Variants in RASD1 observed in about 807,000 individuals in gnomAD.
RASD1 encodes the protein ras related dexamethasone induced 1.
A neutral mutation model predicts 16.7 loss-of-function variants in RASD1; 13 were observed. The observed-to-expected ratio is 0.78, with a 90% CI of 0.51 to 1.24. RASD1 has a LOEUF of 1.24. Among genes scored for constraint, RASD1 ranks in the 50% most tolerant of loss-of-function variants. RASD1 has a pLI of 0.00. For synonymous variants in RASD1, 170 were observed against 172.6 expected, an observed-to-expected ratio of 0.98 and a Z score of 0.12; for missense variants, 397 against 407.5, an observed-to-expected ratio of 0.97 and a Z score of 0.22.
Position 17,496,122 on chromosome 17 carries a change from C to T in RASD1, c.60G>A (p.Pro20=), listed in dbSNP as rs759402964. The change falls in exon 1 of 2, where the codon CCG becomes CCA. Residue 20 remains proline, a synonymous_variant. Coordinates refer to ENST00000225688, the MANE Select transcript of RASD1 (RefSeq NM_016084.5). ...TGACCATGCGATAGCAGTTCTTGGC[C>T]GGGATACTCAGCTCCGAGTCGCTCG... ...MCPSDSELSI[P]AKNCYRMVIL... is the part of the protein sequence containing the mutation. 6 of 1,613,832 alleles carry T rather than the reference C, an allele frequency of 3.7e-6. No individual in the cohort carries two copies. The Admixed American group carries it at 1.0e-4, about 27-fold the overall frequency.
In RASD1 at chr17:17,496,290, C is replaced by G; in HGVS notation, c.-109G>C. The G allele has an allele frequency of 1.6e-6, 2 of 1,245,910 alleles. No homozygotes were observed. The highest frequency in any genetic ancestry group is 2.2e-6 in the Non-Finnish European group (2 of 926,772). The allele number at this position is 1,245,910 out of a possible 1,614,324, so 77.2% of individuals were successfully genotyped here. A position where few individuals can be genotyped will look rare whatever the true frequency, so the allele number is the denominator to read the frequency against. ...GAGCGGCTGGAGGGCTCTGCTCGGG[C>G]TGGGCGCGGCTCGGGCTTGGGGCTC... On this transcript the variant is annotated 5_prime_UTR_variant, in exon 1 of 2. Coordinates refer to ENST00000225688, the MANE Select transcript of RASD1 (RefSeq NM_016084.5).
In RASD1 at chr17:17,494,773, C is replaced by T; in HGVS notation, c.*352G>A. 3.0e-6 allele frequency: 1 copy of T among 330,836 alleles called. No homozygotes were observed. The highest frequency in any genetic ancestry group is 5.5e-6 in the Non-Finnish European group (1 of 180,274). The allele number at this position is 330,836 out of a possible 1,614,324, so 20.5% of individuals were successfully genotyped here. On this transcript the variant is annotated 3_prime_UTR_variant, in exon 2 of 2. Transcript: ENST00000225688. ...AGCGGGCATGACGGTTTCTTGAAGCCTAGCAGAGGCTGGATAACTTCACAT... is the reference window on the plus strand; with the variant it reads ...AGCGGGCATGACGGTTTCTTGAAGCTTAGCAGAGGCTGGATAACTTCACAT...
In RASD1 at chr17:17,495,482, C is replaced by T; in HGVS notation, c.489G>A (p.Leu163=). The T allele has an allele frequency of 6.2e-7, 1 of 1,610,532 alleles. No homozygotes were observed. The highest frequency in any genetic ancestry group is 1.1e-5 in the South Asian group (1 of 90,544). The change falls in exon 2 of 2, where the codon CTG becomes CTA. Residue 163 remains leucine (L), a synonymous_variant. Transcript: ENST00000225688. Reference sequence around the variant, plus strand: ...CGCAGCGCTGGGGGTCGTCGCCCACCAGCTGCTCGATCTCGCGCTGGTCCA... The same window carrying T: ...CGCAGCGCTGGGGGTCGTCGCCCACTAGCTGCTCGATCTCGCGCTGGTCCA... The part of the protein sequence containing the change: ...REVDQREIEQ[L]VGDDPQRCAY...
In RASD1 at chr17:17,496,356, C is replaced by G. The variant is rs1301876792; in HGVS notation, c.-175G>C. ...TGGGCTCGGGCTAGGCTGGGCTCGG[C>G]TGGGGTTCTCCCAGGATCTGGGCAC... On this transcript the variant is annotated 5_prime_UTR_variant, in exon 1 of 2. Transcript: ENST00000225688. 1.5e-6 allele frequency: 1 copy of G among 671,690 alleles called. No homozygotes were observed. Among genetic ancestry groups the G allele is most frequent in the Non-Finnish European group, 2.3e-6 (1 of 428,008 alleles). 41.6% of individuals were successfully genotyped at this position (671,690 alleles called of 1,614,324 possible).
Position 17,494,974 on chromosome 17 carries a change from G to A in RASD1, c.*151C>T, listed in dbSNP as rs1189570173. On this transcript the variant is annotated 3_prime_UTR_variant, in exon 2 of 2. Transcript: ENST00000225688. ...CCGGAGCAGATGACCGTCCCTTCTCGGTTCAGTGGCGCCTCCCCAGTGCTG... is the reference window on the plus strand; with the variant it reads ...CCGGAGCAGATGACCGTCCCTTCTCAGTTCAGTGGCGCCTCCCCAGTGCTG... 30 of 953,168 alleles carry A rather than the reference G, an allele frequency of 3.1e-5. No individual in the cohort carries two copies. The highest frequency in any genetic ancestry group is 1.4e-4 in the South Asian group (8 of 58,878). 59.0% of individuals were successfully genotyped at this position (953,168 alleles called of 1,614,324 possible).
In RASD1 at chr17:17,495,575, G is replaced by A. The variant is rs1905401263; in HGVS notation, c.396C>T (p.Thr132=). The change falls in exon 2 of 2, where the codon ACC becomes ACT. Residue 132 remains threonine, a synonymous_variant. Coordinates refer to ENST00000225688, the MANE Select transcript of RASD1 (RefSeq NM_016084.5). ...CCAGGGGCACGTCCACGTTCTCCTT[G>A]GTTTTGTTCTTGAGGCAAGACTTGG... ...LDTKSCLKNK[T]KENVDVPLVI... is the part of the protein sequence containing the mutation. 6.2e-7 allele frequency: 1 copy of A among 1,613,030 alleles called. No homozygotes were observed. The highest frequency in any genetic ancestry group is 8.5e-7 in the Non-Finnish European group (1 of 1,179,876).
chr17:17,496,357 T>C lies in RASD1; in HGVS notation c.-176A>G. ...GGGCTCGGGCTAGGCTGGGCTCGGC[T>C]GGGGTTCTCCCAGGATCTGGGCACA... On this transcript the variant is annotated 5_prime_UTR_variant, in exon 1 of 2. Coordinates refer to ENST00000225688, the MANE Select transcript of RASD1 (RefSeq NM_016084.5). The C allele has an allele frequency of 1.5e-6, 1 of 670,290 alleles. No homozygotes were observed. Among genetic ancestry groups the C allele is most frequent in the Non-Finnish European group, 2.3e-6 (1 of 426,918 alleles). The allele number at this position is 670,290 out of a possible 1,614,324, so 41.5% of individuals were successfully genotyped here.
chr17:17,495,035 G>C lies in RASD1; in HGVS notation c.*90C>G, dbSNP rs1276416932. On this transcript the variant is annotated 3_prime_UTR_variant, in exon 2 of 2. Transcript: ENST00000225688. The stretch of plus-strand genomic sequence containing the variant: ...GCCGGGAGGGGAGACGCCAGTCCGC[G>C]CGCGCTCCCGGCCTGGGGCGCACCG... The C allele has an allele frequency of 6.7e-7, 1 of 1,498,516 alleles. No individual in the cohort carries two copies. Among genetic ancestry groups the C allele is most frequent in the Non-Finnish European group, 9.0e-7 (1 of 1,112,938 alleles). 92.8% of individuals were successfully genotyped at this position (1,498,516 alleles called of 1,614,324 possible).
chr17:17,495,091 C>G lies in RASD1; in HGVS notation c.*34G>C, dbSNP rs760551246. 6.2e-7 allele frequency: 1 copy of G among 1,600,538 alleles called. No individual in the cohort carries two copies. The highest frequency in any genetic ancestry group is 8.5e-7 in the Non-Finnish European group (1 of 1,175,872). On this transcript the variant is annotated 3_prime_UTR_variant, in exon 2 of 2. Coordinates refer to ENST00000225688, the MANE Select transcript of RASD1 (RefSeq NM_016084.5). The stretch of plus-strand genomic sequence containing the variant: ...TTGGATTTGACTTAACAAAAAGGTC[C>G]TCCTTAGGTTGTGTCGCCAGCGCGG...
At position 17,495,401 on chromosome 17, in the gene RASD1, C is replaced by G. The variant is rs1357644561; in HGVS notation, c.570G>C (p.Ala190=). 7 of 1,603,290 alleles carry G rather than the reference C, an allele frequency of 4.4e-6. No individual in the cohort carries two copies. Among genetic ancestry groups the G allele is most frequent in the Non-Finnish European group, 6.0e-6 (7 of 1,175,488 alleles). Residue 190 remains alanine (A), a synonymous_variant, in exon 2 of 2, where the codon GCG becomes GCC. Coordinates refer to ENST00000225688, the MANE Select transcript of RASD1 (RefSeq NM_016084.5). ...TGGGCAGCTTGGCCATGGCGAAGAG[C>G]GCGCGGAACATCTGGTCCAGGCTGC... ...KNSSLDQMFR[A]LFAMAKLPSE...
Position 17,494,807 on chromosome 17 carries a change from C to T in RASD1, c.*318G>A. The stretch of plus-strand genomic sequence containing the variant: ...GCTGGATAACTTCACATCCCTCCCC[C>T]ACCCCGCGCTCACTCTTAGGTCTTT... On this transcript the variant is annotated 3_prime_UTR_variant, in exon 2 of 2. Coordinates refer to ENST00000225688, the MANE Select transcript of RASD1 (RefSeq NM_016084.5). 2.4e-6 allele frequency: 1 copy of T among 423,104 alleles called. No homozygotes were observed. The allele number at this position is 423,104 out of a possible 1,614,324, so 26.2% of individuals were successfully genotyped here.
intron 1 of RASD1, 58 bp from the exon 2 acceptor site, chr17:17,495,742 A>G: frequency 1.3e-6 from 2 of 1,498,878 alleles, no homozygotes; most frequent in Middle Eastern, 2.3e-4. Flanking sequence ...CCAGGGGACA[A>G]GTCGGGCTGA....
At position 17,495,226 on chromosome 17, in the gene RASD1, AG is replaced by A; in HGVS notation, c.744del (p.Phe249SerfsTer83). 1 of 1,609,130 alleles carries A rather than the reference AG, an allele frequency of 6.2e-7. No individual in the cohort carries two copies. The highest frequency in any genetic ancestry group is 1.1e-5 in the South Asian group (1 of 90,748). On this transcript the variant is annotated frameshift_variant, in exon 2 of 2. Coordinates refer to ENST00000225688, the MANE Select transcript of RASD1 (RefSeq NM_016084.5). LOFTEE classifies it high-confidence loss of function. ...CTGTGTACGCTGGGCCGGCGCGCGA[AG>A]GGTGCCACGATGCCAAAGGCGTCGC... ...DPGDAFGIVAPFARRPSVHSD... is the reference protein window; with the variant it reads ...DPGDAFGIVAXFARRPSVHSD...
Position 17,494,829 on chromosome 17 carries a change from C to A in RASD1, c.*296G>T. On this transcript the variant is annotated 3_prime_UTR_variant, in exon 2 of 2. Coordinates refer to ENST00000225688, the MANE Select transcript of RASD1 (RefSeq NM_016084.5). ...CCCCACCCCGCGCTCACTCTTAGGT[C>A]TTTGAGAAGATAAATCCACCCTCGG... 1.9e-6 allele frequency: 1 copy of A among 515,986 alleles called. No individual in the cohort carries two copies. The highest frequency in any genetic ancestry group is 3.4e-6 in the Non-Finnish European group (1 of 292,602). 32.0% of individuals were successfully genotyped at this position (515,986 alleles called of 1,614,324 possible).
chr17:17,496,258 G>A lies in RASD1; in HGVS notation c.-77C>T. On this transcript the variant is annotated 5_prime_UTR_variant, in exon 1 of 2. Transcript: ENST00000225688. ...CGGCTGAGGGTCGCTGGGGTGGCAC[G>A]CGGGGTGAGCGGCTGGAGGGCTCTG... is the stretch of plus-strand genomic sequence containing the variant. 1 of 1,435,596 alleles carries A rather than the reference G, an allele frequency of 7.0e-7. No homozygotes were observed. Among genetic ancestry groups the A allele is most frequent in the Non-Finnish European group, 9.3e-7 (1 of 1,075,600 alleles). The allele number at this position is 1,435,596 out of a possible 1,614,324, so 88.9% of individuals were successfully genotyped here. A position where few individuals can be genotyped will look rare whatever the true frequency, so the allele number is the denominator to read the frequency against.
Position 17,495,229 on chromosome 17 carries a change from G to A in RASD1, c.742C>T (p.Pro248Ser). The A allele has an allele frequency of 2.5e-6, 4 of 1,608,386 alleles. No individual in the cohort carries two copies. Among genetic ancestry groups the A allele is most frequent in the Non-Finnish European group, 2.5e-6 (3 of 1,178,472 alleles). Residue 248 changes from proline to serine, a missense_variant, in exon 2 of 2, where the codon CCC becomes TCC. By Grantham distance (74) the Pro-to-Ser change is moderately conservative. Transcript: ENST00000225688. ...DPGDAFGIVA[P>S]FARRPSVHSD... is the part of the protein sequence containing the mutation. Reference sequence around the variant, plus strand: ...TGTACGCTGGGCCGGCGCGCGAAGGGTGCCACGATGCCAAAGGCGTCGCCC... The same window carrying A: ...TGTACGCTGGGCCGGCGCGCGAAGGATGCCACGATGCCAAAGGCGTCGCCC...
rs775940299 is a variant in RASD1 at position 17,495,620 on chromosome 17, G to A, written c.351C>T (p.Leu117=). ...ACTTGGTGTCGAGGATCTGCTGCCT[G>A]AGCCGCTGCACCTCCTCGAAGGAGT... ...NRDSFEEVQR[L]RQQILDTKSC... Residue 117 remains leucine, a synonymous_variant, in exon 2 of 2, where the codon CTC becomes CTT. Transcript: ENST00000225688. The A allele has an allele frequency of 4.3e-6, 7 of 1,612,920 alleles. No individual in the cohort carries two copies. Among genetic ancestry groups the A allele is most frequent in the Non-Finnish European group, 3.4e-6 (4 of 1,179,910 alleles).
chr17:17,495,763 G>T (rs1350062676), intron 1 of RASD1, 79 bp from the exon 2 acceptor site: 1 of 1,468,574 alleles, frequency 6.8e-7, no homozygotes, highest in East Asian at 2.4e-5. Context: ...CTTTGAGGCC[G>T]CGCGGGGCGC....
Position 17,495,625 on chromosome 17 carries a change from G to T in RASD1, c.346C>A (p.Arg116=). 2 of 1,612,960 alleles carry T rather than the reference G, an allele frequency of 1.2e-6. No individual in the cohort carries two copies. The highest frequency in any genetic ancestry group is 1.1e-5 in the South Asian group (1 of 91,000). The change falls in exon 2 of 2, where the codon CGG becomes AGG. Residue 116 remains arginine (R), a synonymous_variant. Transcript: ENST00000225688. Reference sequence around the variant, plus strand: ...GTGTCGAGGATCTGCTGCCTGAGCCGCTGCACCTCCTCGAAGGAGTCGCGG... The same window carrying T: ...GTGTCGAGGATCTGCTGCCTGAGCCTCTGCACCTCCTCGAAGGAGTCGCGG... The part of the protein sequence containing the change: ...DNRDSFEEVQ[R]LRQQILDTKS...
Sources: gnomAD v4.1 joint callset for allele counts on GRCh38, gnomAD v4.1.1 for gene constraint, MANE v1.5 for transcripts, NCBI Gene and HGNC (gene_info 2026-07-23, HGNC 2026-07-21) for gene names.